CMKLR2: variants seen among roughly 807,000 people sequenced by gnomAD.
CMKLR2 encodes chemerin chemokine-like receptor 2, also known as chemerin-like receptor 2.
In CMKLR2, 18 loss-of-function variants were observed where a neutral mutation model predicts 23.0. The observed-to-expected ratio is 0.78, with a 90% CI of 0.54 to 1.16. The LOEUF (loss-of-function observed/expected upper bound fraction) is 1.16, where lower values mean the gene tolerates loss of function less well. Among genes scored for constraint, CMKLR2 ranks in the 50% most tolerant of loss-of-function variants. The pLI is 0.00. For synonymous variants in CMKLR2, 158 were observed against 158.9 expected (o/e 0.99, Z 0.05); for missense variants, 401 against 412.7 (o/e 0.97, Z 0.25).
At chr2:206,215,308 T>C (rs929962009), upstream of CMKLR2, among the ~76,000 whole-genome samples, 2 of 152,256 alleles carry the variant, frequency 1.3e-5, no homozygotes, top group Admixed American at 6.5e-5. Context: ...TAGTATTTAC[T>C]ATAGTCTATA....
chr2:206,176,898 G>A lies in CMKLR2; in HGVS notation c.350C>T (p.Ala117Val). The change falls in exon 2 of 2, where the codon GCC (alanine) becomes GTC (valine). Residue 117 changes from alanine to valine, a missense_variant. Ala to Val is a moderately conservative substitution (Grantham distance 64). Transcript: ENST00000621141. ...AACACTGGCAAACATGTTCAACTGG[G>A]CAGTGAAGGAATTGGCTTTGCACAG... ...IWLCKANSFTAQLNMFASVFF... is the reference protein window; with the variant it reads ...IWLCKANSFTVQLNMFASVFF... 6.2e-7 allele frequency: 1 copy of A among 1,614,170 alleles called. No individual in the cohort carries two copies. The highest frequency in any genetic ancestry group is 8.5e-7 in the Non-Finnish European group (1 of 1,180,028).
At chr2:206,191,320 A>G (rs1362849912) in intron 1 of CMKLR2, among the ~76,000 whole-genome samples, 1 of 152,188 alleles carries the variant, frequency 6.6e-6, no homozygotes, top group Non-Finnish European at 1.5e-5. Context: ...ATGCTCGATA[A>G]TTGTAGGTAT....
intron 1 of CMKLR2, among the ~76,000 whole-genome samples, chr2:206,197,143 C>T (rs1009714554): frequency 3.3e-5 from 5 of 152,120 alleles, no homozygotes; most frequent in East Asian, 1.9e-4. Flanking sequence ...CTCTTGACCT[C>T]GTGATCTGCC....
intron 1 of CMKLR2, chr2:206,203,250 T>C (rs13009940): frequency 0.8 from 117,008 of 146,780 alleles, 46,842 homozygotes; most frequent in East Asian, 0.92. Flanking sequence ...ACTCCTTGAA[T>C]CCGGGAGGTG....
At chr2:206,199,062 T>C (rs1689007052) in intron 1 of CMKLR2, among the ~76,000 whole-genome samples, 1 of 152,240 alleles carries the variant, frequency 6.6e-6, no homozygotes, top group East Asian at 1.9e-4. Flanking sequence ...CATTTGTGCA[T>C]ATAGCCCAAA....
intron 1 of CMKLR2, among the ~76,000 whole-genome samples, chr2:206,192,172 G>T (rs1245722853): frequency 6.6e-6 from 1 of 151,202 alleles, no homozygotes; most frequent in African/African-American, 2.4e-5. Context: ...TAGAGATGGG[G>T]TTTTACCATG....
At chr2:206,212,429 T>C (rs1689603941) in intron 1 of CMKLR2, among the ~76,000 whole-genome samples, 1 of 151,810 alleles carries the variant, frequency 6.6e-6, no homozygotes, top group Non-Finnish European at 1.5e-5. Context: ...ATCGGATTAA[T>C]TTAACAACAG....
At chr2:206,190,456 C>CATT (rs1157214956) in intron 1 of CMKLR2, among the ~76,000 whole-genome samples, 4 of 152,146 alleles carry the variant, frequency 2.6e-5, no homozygotes, top group Non-Finnish European at 4.4e-5. Flanking sequence ...GTAAGACAAT[C>CATT]ATTCAGGAGC....
At chr2:206,196,494 GA>G (rs1388577895) in intron 1 of CMKLR2, among the ~76,000 whole-genome samples, 1 of 152,138 alleles carries the variant, frequency 6.6e-6, no homozygotes, top group Non-Finnish European at 1.5e-5. Flanking sequence ...GTGGCTGAAT[GA>G]AAAAACAAAA....
At chr2:206,214,222 A>T (rs1415349153), upstream of CMKLR2, among the ~76,000 whole-genome samples, 3 of 127,544 alleles carry the variant, frequency 2.4e-5, no homozygotes, top group Admixed American at 3.1e-4. Flanking sequence ...CCCAGGCTGG[A>T]GTGCAGTGGT....
Position 206,176,366 on chromosome 2 carries a change from G to A in CMKLR2, c.882C>T (p.Phe294=). Residue 294 remains phenylalanine (F), a synonymous_variant, in exon 2 of 2, where the codon TTC becomes TTT. Coordinates refer to ENST00000621141, the MANE Select transcript of CMKLR2 (RefSeq NM_001389445.1). ...GGATGGGGTTCAAGCAACTATTGAG[G>A]AATGCCAAACCAGTGGAGAGGGGGA... ...AGIPLSTGLA[F]LNSCLNPILY... The A allele has an allele frequency of 6.2e-7, 1 of 1,614,176 alleles. No homozygotes were observed. The highest frequency in any genetic ancestry group is 8.5e-7 in the Non-Finnish European group (1 of 1,180,044).
At chr2:206,205,340 A>G (rs751696592) in intron 1 of CMKLR2, among the ~76,000 whole-genome samples, 4 of 152,176 alleles carry the variant, frequency 2.6e-5, no homozygotes, top group South Asian at 2.1e-4. Context: ...GAAATCTAAC[A>G]TATTTCTGAG....
intron 1 of CMKLR2, among the ~76,000 whole-genome samples, chr2:206,207,959 C>T (rs534798998): frequency 2.6e-3 from 396 of 151,824 alleles, no homozygotes; most frequent in Non-Finnish European, 4.6e-3. Context: ...AGGCTGGTCT[C>T]GAACTCCTGA....
chr2:206,216,663 G>T (rs149466890), upstream of CMKLR2, among the ~76,000 whole-genome samples: 2 of 152,130 alleles, frequency 1.3e-5, no homozygotes, highest in Non-Finnish European at 2.9e-5. Flanking sequence ...ACACAATGCC[G>T]CTATCATATT....
intron 1 of CMKLR2, among the ~76,000 whole-genome samples, chr2:206,188,142 C>CA (rs896064117): frequency 3.9e-5 from 6 of 152,282 alleles, no homozygotes; most frequent in African/African-American, 1.4e-4. Context: ...CCACGTTGGA[C>CA]AGGCTGGCCT....
chr2:206,196,559 G>A (rs1688929306), intron 1 of CMKLR2, among the ~76,000 whole-genome samples: 1 of 152,080 alleles, frequency 6.6e-6, no homozygotes. Flanking sequence ...TTGATAGGAG[G>A]AAGCCCAGAA....
At chr2:206,179,550 C>T (rs912472007) in intron 1 of CMKLR2, among the ~76,000 whole-genome samples, 5 of 148,904 alleles carry the variant, frequency 3.4e-5, no homozygotes, top group Admixed American at 1.3e-4. Flanking sequence ...AGGATGGTCT[C>T]GATCTCTTGA....
chr2:206,179,947 C>T (rs142557938), intron 1 of CMKLR2, among the ~76,000 whole-genome samples: 1 of 152,192 alleles, frequency 6.6e-6, no homozygotes, highest in African/African-American at 2.4e-5. Flanking sequence ...AATTCATCAT[C>T]CTACCTAAAA....
At chr2:206,209,825 T>G (rs1689479788) in intron 1 of CMKLR2, among the ~76,000 whole-genome samples, 1 of 151,256 alleles carries the variant, frequency 6.6e-6, no homozygotes, top group Non-Finnish European at 1.5e-5. Context: ...ATTTTTTGTA[T>G]TTTTAGTAGA....
Sources: allele counts gnomAD v4.1 joint callset (sites outside exome capture counted in the v4.1 genomes callset), GRCh38; gene constraint gnomAD v4.1.1; transcripts MANE v1.5; gene names NCBI Gene and HGNC (gene_info 2026-07-23, HGNC 2026-07-21).